Variants in AKT3 observed in about 807,000 individuals in gnomAD.
AKT3 encodes the protein RAC-gamma serine/threonine-protein kinase.
A neutral mutation model predicts 65.3 loss-of-function variants in AKT3; 15 were observed. That is an observed-to-expected ratio of 0.23 (90% CI 0.15 to 0.35). The LOEUF (loss-of-function observed/expected upper bound fraction) is 0.35. Ranked by LOEUF, AKT3 falls within the 10% of genes least tolerant of loss-of-function variation. The probability of loss-of-function intolerance (pLI) is 1.00; values close to 1 mark genes in which losing one functional copy is unlikely to be tolerated. For synonymous variants in AKT3, 206 were observed against 183.8 expected, an observed-to-expected ratio of 1.12 and a Z score of -0.98; for missense variants, 243 against 576.5, an observed-to-expected ratio of 0.42 and a Z score of 5.92.
intron 2 of AKT3, among the ~76,000 whole-genome samples, chr1:243,721,237 A>G (rs373384605): frequency 1.3e-5 from 2 of 152,124 alleles, no homozygotes; most frequent in African/African-American, 2.4e-5. Context: ...CCTTGTCCCA[A>G]TAATATAGGT....
chr1:243,797,889 T>C (rs1692121832), intron 2 of AKT3, among the ~76,000 whole-genome samples: 1 of 145,664 alleles, frequency 6.9e-6, no homozygotes, highest in African/African-American at 2.5e-5. Flanking sequence ...CAGTTTTTCT[T>C]TTTTTTTTTT....
intron 2 of AKT3, among the ~76,000 whole-genome samples, chr1:243,777,044 G>T (rs1690598615): frequency 6.6e-6 from 1 of 152,144 alleles, no homozygotes; most frequent in Admixed American, 6.5e-5. Context: ...TTTCCAGGAG[G>T]AAGCAATTGT....
At chr1:243,529,627 T>C (rs1671388117) in intron 12 of AKT3, among the ~76,000 whole-genome samples, 2 of 152,180 alleles carry the variant, frequency 1.3e-5, no homozygotes, top group African/African-American at 4.8e-5. Flanking sequence ...TTCTGGGCTA[T>C]TTATTCTGTC....
intron 2 of AKT3, among the ~76,000 whole-genome samples, chr1:243,723,216 G>A (rs146944520): frequency 1.3e-5 from 2 of 152,220 alleles, no homozygotes; most frequent in East Asian, 3.9e-4. Flanking sequence ...ACTCAAATCA[G>A]GAGCATCTGT....
intron 2 of AKT3, among the ~76,000 whole-genome samples, chr1:243,838,421 T>A (rs536845716): frequency 6.6e-6 from 1 of 152,126 alleles, no homozygotes; most frequent in African/African-American, 2.4e-5. Flanking sequence ...CAGGAAATCA[T>A]ACTGTCATTT....
At chr1:243,824,410 G>T (rs1173112140) in intron 2 of AKT3, among the ~76,000 whole-genome samples, 2 of 152,094 alleles carry the variant, frequency 1.3e-5, no homozygotes, top group African/African-American at 4.8e-5. Context: ...ATTGACGACT[G>T]GGATCTAATT....
intron 12 of AKT3, among the ~76,000 whole-genome samples, chr1:243,512,916 G>T (rs1456289779): frequency 6.6e-6 from 1 of 152,212 alleles, no homozygotes; most frequent in Admixed American, 6.5e-5. Flanking sequence ...ACTTTGCTAA[G>T]AATTTGCTGA....
chr1:243,777,919 C>T lies in AKT3; in HGVS notation c.46+65206G>A, dbSNP rs116974596. ...ATCTGTCCCTGTTTTTCCTTTTCTC[C>T]CTGACTCACCTTGAGGCATGTATCC... On this transcript the variant is annotated intron_variant, in intron 2 of 13. Coordinates refer to ENST00000673466, the MANE Select transcript of AKT3 (RefSeq NM_005465.7). 2.0e-4 allele frequency among the ~76,000 whole-genome samples: 30 copies of T among 152,178 alleles called. No individual in the cohort carries two copies. The East Asian group carries it at 5.2e-3, about 26-fold the overall frequency.
At chr1:243,651,810 G>A (rs1321310339) in intron 4 of AKT3, among the ~76,000 whole-genome samples, 1 of 152,086 alleles carries the variant, frequency 6.6e-6, no homozygotes, top group African/African-American at 2.4e-5. Flanking sequence ...ATTTTACTGA[G>A]GATTTTTGCA....
intron 2 of AKT3, among the ~76,000 whole-genome samples, chr1:243,701,756 C>T (rs914251902): frequency 6.7e-6 from 1 of 149,126 alleles, no homozygotes; most frequent in East Asian, 2.0e-4. Context: ...TTTTAAGATA[C>T]CAATGCTCAC....
intron 2 of AKT3, among the ~76,000 whole-genome samples, chr1:243,703,316 T>G (rs1245274197): frequency 2.0e-5 from 3 of 152,188 alleles, no homozygotes; most frequent in East Asian, 1.9e-4. Context: ...ATAAATATAA[T>G]AAGACATTTG....
chr1:243,524,193 C>T (rs1212313960), intron 12 of AKT3, among the ~76,000 whole-genome samples: 3 of 152,206 alleles, frequency 2.0e-5, no homozygotes, highest in Non-Finnish European at 2.9e-5. Flanking sequence ...GTGGTATATG[C>T]GGTGTGTTGA....
At chr1:243,592,678 G>A (rs1676320274) in intron 8 of AKT3, among the ~76,000 whole-genome samples, 1 of 152,098 alleles carries the variant, frequency 6.6e-6, no homozygotes, top group Non-Finnish European at 1.5e-5. Flanking sequence ...CACCACCAGA[G>A]ACACTGAACT....
chr1:243,660,039 A>G (rs1285117511), intron 4 of AKT3, among the ~76,000 whole-genome samples: 1 of 151,960 alleles, frequency 6.6e-6, no homozygotes, highest in Non-Finnish European at 1.5e-5. Context: ...TGATTGGAAT[A>G]GTTTCAGAAG....
At chr1:243,557,196 T>G (rs1387484435) in intron 10 of AKT3, among the ~76,000 whole-genome samples, 1 of 152,234 alleles carries the variant, frequency 6.6e-6, no homozygotes, top group African/African-American at 2.4e-5. Flanking sequence ...CTATACTTCT[T>G]TTTTATTCTG....
At chr1:243,682,523 A>G (rs1683997159) in intron 3 of AKT3, among the ~76,000 whole-genome samples, 1 of 152,200 alleles carries the variant, frequency 6.6e-6, no homozygotes, top group Non-Finnish European at 1.5e-5. Context: ...AAGCTAACAA[A>G]CAGGGTAGCT....
At chr1:243,610,783 T>A (rs1677812536) in intron 8 of AKT3, among the ~76,000 whole-genome samples, 1 of 152,230 alleles carries the variant, frequency 6.6e-6, no homozygotes. Flanking sequence ...TATACACATG[T>A]TTACGGTCTA....
chr1:243,814,984 A>G (rs542765250), intron 2 of AKT3, among the ~76,000 whole-genome samples: 1 of 152,290 alleles, frequency 6.6e-6, no homozygotes. Context: ...TAAAGTCACA[A>G]CTTCAAAACA....
chr1:243,687,429 C>A (rs1478198141), intron 3 of AKT3: 1 of 151,992 alleles, frequency 6.6e-6, no homozygotes, highest in South Asian at 2.1e-4. Context: ...AATGAAGGAA[C>A]TATTAAAATA....
Sources: gnomAD v4.1 joint callset for allele counts (sites outside exome capture counted in the v4.1 genomes callset) on GRCh38, gnomAD v4.1.1 for gene constraint, MANE v1.5 for transcripts, NCBI Gene and HGNC (gene_info 2026-07-23, HGNC 2026-07-21) for gene names.